The following GRM4 variants were observed in gnomAD, a reference collection of about 807,000 sequenced individuals.
The protein encoded by GRM4 is metabotropic glutamate receptor 4.
GRM4 carries 28 observed loss-of-function variants against 81.7 expected under a neutral mutation model. The ratio of observed to expected loss-of-function variants is 0.34; its 90% confidence interval spans 0.25 to 0.47. The LOEUF (loss-of-function observed/expected upper bound fraction) is 0.47, where lower values mean the gene tolerates loss of function less well. Among genes scored for constraint, GRM4 ranks in the 20% least tolerant of loss-of-function variants. The probability of loss-of-function intolerance (pLI) is 1.00; values close to 1 mark genes in which losing one functional copy is unlikely to be tolerated. For missense variants in GRM4, 948 were observed against 1,290.0 expected, an observed-to-expected ratio of 0.73 and a Z score of 4.06; for synonymous variants, 488 against 528.8, an observed-to-expected ratio of 0.92 and a Z score of 1.06.
intron 6 of GRM4, among the ~76,000 whole-genome samples, chr6:34,045,415 G>A (rs989179703): frequency 6.6e-6 from 1 of 152,258 alleles, no homozygotes; most frequent in African/African-American, 2.4e-5. Flanking sequence ...TTGCAGGTGG[G>A]TGGGTGGCGT....
In GRM4 at chr6:34,082,059, AGCCTGCGG is replaced by A. The variant is rs1767627540; in HGVS notation, c.736+9816_736+9823del. Among the ~76,000 whole-genome samples, 8 of 30,214 alleles carry A rather than the reference AGCCTGCGG, an allele frequency of 2.6e-4. No homozygotes were observed. In the African/African-American group the frequency reaches 3.2e-3, roughly 12 times the overall value. 19.8% of individuals were successfully genotyped at this position (30,214 alleles called of 152,430 possible). A position where few individuals can be genotyped will look rare whatever the true frequency, so the allele number is the denominator to read the frequency against. On this transcript the variant is annotated intron_variant, in intron 3 of 10. Coordinates refer to ENST00000538487, the MANE Select transcript of GRM4 (RefSeq NM_000841.4). ...GCGGGACAGATCCCTGTCCAATGGG[AGCCTGCGG>A]GACAGATCCCTGTCCAGTGGGAGCC...
chr6:34,023,619 CCT>C (rs1763996477), intron 10 of GRM4, among the ~76,000 whole-genome samples: 1 of 152,098 alleles, frequency 6.6e-6, no homozygotes, highest in Admixed American at 6.5e-5. Flanking sequence ...CTTTTCTGCC[CCT>C]GTCCCTCTGG....
chr6:34,103,432 C>T (rs1443070732), intron 2 of GRM4: 6 of 650,390 alleles, frequency 9.2e-6, no homozygotes, highest in South Asian at 1.8e-5. Flanking sequence ...ACAAAGGAGG[C>T]GGCTCGATGC....
chr6:34,073,981 C>T (rs1453861966), intron 3 of GRM4, among the ~76,000 whole-genome samples: 2 of 152,312 alleles, frequency 1.3e-5, no homozygotes, highest in African/African-American at 4.8e-5. Flanking sequence ...CACGGCTATT[C>T]ATGGAGCGGC....
In GRM4 at chr6:34,022,940, G is replaced by A; in HGVS notation, c.2690-70C>T. 8.7e-7 allele frequency: 1 copy of A among 1,152,038 alleles called. No individual in the cohort carries two copies. The highest frequency in any genetic ancestry group is 1.3e-6 in the Non-Finnish European group (1 of 759,662). The allele number at this position is 1,152,038 out of a possible 1,614,324, so 71.4% of individuals were successfully genotyped here. ...TTTCTCAAACTGTCCTTCCACATGG[G>A]CACAGCCCTGCACAAGAACCTACCA... On this transcript the variant is annotated intron_variant, in intron 10 of 10. Coordinates refer to ENST00000538487, the MANE Select transcript of GRM4 (RefSeq NM_000841.4). This position sits in a 1 kb window ranked among gnomAD's most constrained non-coding sequence, Gnocchi z 5.6.
chr6:34,119,765 C>T (rs1769731750), intron 2 of GRM4, among the ~76,000 whole-genome samples: 1 of 152,206 alleles, frequency 6.6e-6, no homozygotes, highest in Non-Finnish European at 1.5e-5. Flanking sequence ...GTAAAAGGTC[C>T]TTATGCACTG....
At chr6:34,028,446 C>G in intron 9 of GRM4, 80 bp from the exon 10 acceptor site, 1 of 1,465,098 alleles carries the variant, frequency 6.8e-7, no homozygotes, top group Non-Finnish European at 9.2e-7. Context: ...CACCCAGGGA[C>G]CCACCCGGCA....
chr6:34,082,271 C>G (rs1767643440), intron 3 of GRM4, among the ~76,000 whole-genome samples: 1 of 152,090 alleles, frequency 6.6e-6, no homozygotes, highest in Admixed American at 6.5e-5. Flanking sequence ...TCAAATATAT[C>G]AAAATAAATA....
At chr6:34,044,585 GAC>G (rs1392815233) in intron 6 of GRM4, among the ~76,000 whole-genome samples, 1 of 109,334 alleles carries the variant, frequency 9.1e-6, no homozygotes, top group African/African-American at 3.4e-5. Context: ...TATATACACA[GAC>G]ACAGACACAC....
chr6:34,087,171 C>A (rs1251555864), intron 3 of GRM4, among the ~76,000 whole-genome samples: 1 of 151,614 alleles, frequency 6.6e-6, no homozygotes, highest in Non-Finnish European at 1.5e-5. Flanking sequence ...GTAATCCCAG[C>A]ACTTTGGGAG....
chr6:34,133,786 A>G lies in GRM4; in HGVS notation c.-290T>C, dbSNP rs1770347286. ...CTGTTCTCGGTGGATGACTGTGGAA[A>G]GGGCAGAATGCTCCTAGCTTGGCGT... is the stretch of plus-strand genomic sequence containing the variant. On this transcript the variant is annotated 5_prime_UTR_variant, in exon 2 of 11. Coordinates refer to ENST00000538487, the MANE Select transcript of GRM4 (RefSeq NM_000841.4). The surrounding 1 kb of genome is among the most constrained non-coding windows in gnomAD (Gnocchi z 6.5). 8 of 1,195,442 alleles carry G rather than the reference A, an allele frequency of 6.7e-6. No homozygotes were observed. In the Admixed American group the frequency reaches 3.5e-4, roughly 53 times the overall value. The allele number at this position is 1,195,442 out of a possible 1,614,324, so 74.1% of individuals were successfully genotyped here.
At chr6:34,052,646 G>C (rs2127456323) in intron 6 of GRM4, among the ~76,000 whole-genome samples, 1 of 152,314 alleles carries the variant, frequency 6.6e-6, no homozygotes, top group East Asian at 1.9e-4. Context: ...AAGAAGTGAG[G>C]GGGAAGCTAG....
chr6:34,057,253 C>T (rs911144007), intron 5 of GRM4, among the ~76,000 whole-genome samples: 4 of 146,860 alleles, frequency 2.7e-5, no homozygotes, highest in African/African-American at 5.2e-5. Context: ...GGCAGGCTGG[C>T]GGTGAACAAC....
chr6:34,083,391 G>T (rs1355019212), intron 3 of GRM4, among the ~76,000 whole-genome samples: 1 of 152,190 alleles, frequency 6.6e-6, no homozygotes, highest in Non-Finnish European at 1.5e-5. Flanking sequence ...GACTGACCTG[G>T]CAATCATGAG....
chr6:34,119,794 A>T (rs1441326252), intron 2 of GRM4, among the ~76,000 whole-genome samples: 2 of 152,306 alleles, frequency 1.3e-5, no homozygotes, highest in African/African-American at 4.8e-5. Context: ...TGTCCCTGGA[A>T]ATGCTGCCAG....
intron 2 of GRM4, among the ~76,000 whole-genome samples, chr6:34,096,512 G>A (rs1768523646): frequency 1.3e-5 from 2 of 152,254 alleles, no homozygotes; most frequent in Admixed American, 1.3e-4. Context: ...GGCCCTCCAA[G>A]CACCCCACCT....
At chr6:34,086,787 C>A (rs1044947919) in intron 3 of GRM4, among the ~76,000 whole-genome samples, 1 of 152,210 alleles carries the variant, frequency 6.6e-6, no homozygotes, top group Admixed American at 6.5e-5. Context: ...GTATAATGAG[C>A]TGTCTTGAGA....
intron 2 of GRM4, chr6:34,101,928 C>T (rs1768860749): frequency 8.0e-7 from 1 of 1,252,774 alleles, no homozygotes. Context: ...CCTGGCTTCT[C>T]TCCCGGAGGC....
In GRM4 at chr6:34,019,731, A is replaced by C. The variant is rs1763803646; in HGVS notation, c.*3090T>G. On this transcript the variant is annotated 3_prime_UTR_variant, in exon 11 of 11. Transcript: ENST00000538487. ...CTATCCAGGGTGCCAGGGACCCTGA[A>C]CCCCCCATCTTGTTGAAATCTAACA... The C allele has an allele frequency of 6.6e-6, 1 of 152,078 alleles. No individual in the cohort carries two copies. The highest frequency in any genetic ancestry group is 2.4e-5 in the African/African-American group (1 of 41,382). 9.4% of individuals were successfully genotyped at this position (152,078 alleles called of 1,614,324 possible).
Sources: gnomAD v4.1 joint callset for allele counts (sites outside exome capture counted in the v4.1 genomes callset) on GRCh38, gnomAD v4.1.1 for gene constraint, Gnocchi (gnomAD v3.1) non-coding constraint, MANE v1.5 for transcripts, NCBI Gene and HGNC (gene_info 2026-07-23, HGNC 2026-07-21) for gene names.